ACVR1C: variants seen among roughly 807,000 people sequenced by gnomAD.
ACVR1C encodes the protein activin receptor type-1C.
A neutral mutation model predicts 57.9 loss-of-function variants in ACVR1C; 23 were observed. That is an observed-to-expected ratio of 0.40 (90% CI 0.29 to 0.56). The LOEUF (loss-of-function observed/expected upper bound fraction) is 0.56. ACVR1C is among the 20% of genes least tolerant of loss of function. The pLI, the probability that ACVR1C is intolerant of heterozygous loss-of-function variation, is 0.50. For synonymous variants in ACVR1C, 214 were observed against 215.3 expected (o/e 0.99, Z 0.05); for missense variants, 480 against 607.9 (o/e 0.79, Z 2.21).
At chr2:157,611,187 C>A (rs529702107) in intron 1 of ACVR1C, among the ~76,000 whole-genome samples, 9 of 152,292 alleles carry the variant, frequency 5.9e-5, no homozygotes, top group Non-Finnish European at 1.3e-4. Context: ...TAGGAGAGGA[C>A]TTTTTCCTGA....
intron 3 of ACVR1C, among the ~76,000 whole-genome samples, chr2:157,554,263 GAAAGAA>G (rs1558975094): frequency 7.8e-6 from 1 of 127,614 alleles, no homozygotes; most frequent in Non-Finnish European, 1.6e-5. Flanking sequence ...AAGAAAGAAA[GAAAGAA>G]AGGAAGGAAG....
chr2:157,558,951 T>A (rs1688172145), intron 2 of ACVR1C, among the ~76,000 whole-genome samples: 1 of 152,252 alleles, frequency 6.6e-6, no homozygotes, highest in Non-Finnish European at 1.5e-5. Context: ...CTATTTAAAA[T>A]GTGTTTTTAA....
Position 157,549,456 on chromosome 2 carries a change from G to A in ACVR1C, c.775+706C>T, listed in dbSNP as rs995396028. 3.3e-5 allele frequency among the ~76,000 whole-genome samples: 5 copies of A among 152,088 alleles called. No homozygotes were observed. In the South Asian group the frequency reaches 8.3e-4, roughly 25 times the overall value. ...TTCATGACCAAGCAGCAACTAATGG[G>A]TAAAACTGGCGTGGCAGAGTTCTCC... is the stretch of plus-strand genomic sequence containing the variant. On this transcript the variant is annotated intron_variant, in intron 4 of 8. Coordinates refer to ENST00000243349, the MANE Select transcript of ACVR1C (RefSeq NM_145259.3).
chr2:157,609,566 T>C (rs780187977), intron 1 of ACVR1C, among the ~76,000 whole-genome samples: 12 of 152,050 alleles, frequency 7.9e-5, no homozygotes, highest in Admixed American at 1.3e-4. Context: ...GAAAGGGGGA[T>C]GTTGAAGTCT....
At chr2:157,565,317 A>T (rs1399404064) in intron 2 of ACVR1C, among the ~76,000 whole-genome samples, 1 of 152,068 alleles carries the variant, frequency 6.6e-6, no homozygotes, top group Non-Finnish European at 1.5e-5. Context: ...TCCCGTGTGA[A>T]TCTGCACTTA....
At chr2:157,559,483 A>ACGTTTC (rs1688186874) in intron 2 of ACVR1C, among the ~76,000 whole-genome samples, 1 of 152,218 alleles carries the variant, frequency 6.6e-6, no homozygotes, top group African/African-American at 2.4e-5. Context: ...AGCTAAGAAT[A>ACGTTTC]CGTTTCAATA....
chr2:157,541,025 A>T, intron 7 of ACVR1C, 65 bp downstream of exon 7: 1 of 1,538,398 alleles, frequency 6.5e-7, no homozygotes, highest in South Asian at 1.2e-5. Context: ...AAAAGATAGA[A>T]TATCACATCT....
intron 1 of ACVR1C, among the ~76,000 whole-genome samples, chr2:157,619,432 T>A (rs2105156991): frequency 6.6e-6 from 1 of 152,056 alleles, no homozygotes; most frequent in East Asian, 1.9e-4. Flanking sequence ...AAGTTAAATA[T>A]GTATATTAGA....
intron 8 of ACVR1C, 84 bp from the exon 9 acceptor site, chr2:157,534,127 A>T: frequency 8.0e-7 from 1 of 1,244,256 alleles, no homozygotes; most frequent in Non-Finnish European, 1.0e-6. Flanking sequence ...TAAATCCAGG[A>T]ATTGATGCTA....
At chr2:157,548,448 C>CA in intron 4 of ACVR1C, among the ~76,000 whole-genome samples, 1 of 150,608 alleles carries the variant, frequency 6.6e-6, no homozygotes, top group Middle Eastern at 3.4e-3. Flanking sequence ...CATATGGAAC[C>CA]AAAAAAGAGC....
At chr2:157,553,745 T>C (rs1429294621) in intron 3 of ACVR1C, among the ~76,000 whole-genome samples, 6 of 152,222 alleles carry the variant, frequency 3.9e-5, no homozygotes, top group Non-Finnish European at 7.3e-5. Context: ...AAAGAAATTA[T>C]ATAAGGTTTC....
intron 1 of ACVR1C, among the ~76,000 whole-genome samples, chr2:157,622,890 G>T (rs1258001163): frequency 2.6e-5 from 4 of 151,922 alleles, no homozygotes; most frequent in Non-Finnish European, 5.9e-5. Context: ...AATATATAAG[G>T]AGCTAAAATA....
chr2:157,548,458 C>A (rs954199477), intron 4 of ACVR1C, among the ~76,000 whole-genome samples: 12 of 151,046 alleles, frequency 7.9e-5, no homozygotes, highest in African/African-American at 2.9e-4. Context: ...CAAAAAAGAG[C>A]CCACATCGCC....
At chr2:157,535,705 C>T (rs554739395) in intron 8 of ACVR1C, among the ~76,000 whole-genome samples, 32 of 152,170 alleles carry the variant, frequency 2.1e-4, no homozygotes, top group African/African-American at 7.7e-4. Context: ...ATCACTTGAA[C>T]CTGGGAGGCG....
rs1263675804 is a variant in ACVR1C, at chr2:157,529,352, T to C, written c.*4566A>G. 1 of 152,130 alleles carries C rather than the reference T, an allele frequency of 6.6e-6. No homozygotes were observed. The highest frequency in any genetic ancestry group is 1.5e-5 in the Non-Finnish European group (1 of 67,992). The allele number at this position is 152,130 out of a possible 1,614,324, so 9.4% of individuals were successfully genotyped here. On this transcript the variant is annotated 3_prime_UTR_variant, in exon 9 of 9. Transcript: ENST00000243349. ...CTCTTTCTTAGCCTAGTTTAGTTTT[T>C]CTCATTGACCTCACTCTGAGTGAGT...
intron 2 of ACVR1C, among the ~76,000 whole-genome samples, chr2:157,582,386 T>C (rs1346667140): frequency 6.6e-6 from 1 of 152,200 alleles, no homozygotes; most frequent in East Asian, 1.9e-4. Context: ...AGACAACACG[T>C]ATCTTCCCTA....
In ACVR1C at chr2:157,587,263, A is replaced by G. The variant is rs116499768; in HGVS notation, c.228T>C (p.His76=). The G allele has an allele frequency of 1.3e-5, 21 of 1,613,786 alleles. No individual in the cohort carries two copies. In the East Asian group the frequency reaches 4.2e-4, roughly 33 times the overall value. ...CGGTTTTGGTAACATTGTTGGAACTATGACAGAAGACTTGAGCATTCAGTT... is the reference window on the plus strand; with the variant it reads ...CGGTTTTGGTAACATTGTTGGAACTGTGACAGAAGACTTGAGCATTCAGTT... The part of the protein sequence containing the change: ...LPELNAQVFC[H]SSNNVTKTEC... Residue 76 remains histidine, a synonymous_variant, in exon 2 of 9, where the codon CAT becomes CAC. Transcript: ENST00000243349.
At position 157,567,328 on chromosome 2, in the gene ACVR1C, C is replaced by T. The variant is rs1233449722; in HGVS notation, c.305-10996G>A. On this transcript the variant is annotated intron_variant, in intron 2 of 8. Coordinates refer to ENST00000243349, the MANE Select transcript of ACVR1C (RefSeq NM_145259.3). ...GAGCACCTCTCCTCCTCCAAAGGAA[C>T]GCAGTTCCTCACCAGCAACAGAACA... Among the ~76,000 whole-genome samples the T allele has an allele frequency of 1.1e-4, 12 of 105,654 alleles. 4 individuals are homozygous for T. The highest frequency in any genetic ancestry group is 3.9e-4 in the African/African-American group (9 of 23,074). 69.3% of individuals were successfully genotyped at this position (105,654 alleles called of 152,430 possible).
intron 1 of ACVR1C, among the ~76,000 whole-genome samples, chr2:157,604,441 T>G (rs750080461): frequency 1.3e-5 from 2 of 152,052 alleles, no homozygotes; most frequent in African/African-American, 4.8e-5. Context: ...GGAGCTTTTT[T>G]GAATGCATAT....
Sources: allele counts gnomAD v4.1 joint callset (sites outside exome capture counted in the v4.1 genomes callset), GRCh38; gene constraint gnomAD v4.1.1; transcripts MANE v1.5; gene names NCBI Gene and HGNC (gene_info 2026-07-23, HGNC 2026-07-21).